PRICKLE3: variants seen among roughly 807,000 people sequenced by gnomAD.
PRICKLE3 encodes the protein LIM domain only protein 6.
A neutral mutation model predicts 33.8 loss-of-function variants in PRICKLE3; 17 were observed. The ratio of observed to expected loss-of-function variants is 0.50; its 90% CI spans 0.34 to 0.75. The LOEUF is 0.75. PRICKLE3 is among the 30% of genes least tolerant of loss of function. The probability of loss-of-function intolerance (pLI) is 0.01; values close to 1 mark genes in which losing one functional copy is unlikely to be tolerated. For synonymous variants in PRICKLE3, 211 were observed against 219.6 expected, an observed-to-expected ratio of 0.96 and a Z score of 0.34; for missense variants, 573 against 576.7, an observed-to-expected ratio of 0.99 and a Z score of 0.07.
chrX:49,176,916 TGTGCTGGTGCCTTTGGTG>T lies in PRICKLE3; in HGVS notation c.1224_1241del (p.Thr409_Thr414del). 1 of 1,196,801 alleles carries T rather than the reference TGTGCTGGTGCCTTTGGTG, an allele frequency of 8.4e-7. No individual in the cohort carries two copies. Among genetic ancestry groups the T allele is most frequent in the Non-Finnish European group, 1.1e-6 (1 of 888,753 alleles). ...GGGTTAGCTCACCTGGCGCTAACTC[TGTGCTGGTGCCTTTGGTG>T]GTGGTCTCTGATGCCCCCTTCACAG... is the stretch of plus-strand genomic sequence containing the variant. On this transcript the variant is annotated inframe_deletion, in exon 8 of 9. Transcript: ENST00000599218.
At chrX:49,181,492 CAT>C (rs1255135539) in intron 3 of PRICKLE3, among the ~76,000 whole-genome samples, 4 of 84,019 alleles carry the variant, frequency 4.8e-5, no homozygotes, top group Admixed American at 1.4e-4. Context: ...TAGATGTATA[CAT>C]ATGTGTATAT....
At chrX:49,186,143 G>T in intron 1 of PRICKLE3, 113 bp downstream of exon 1, 2 of 913,962 alleles carry the variant, frequency 2.2e-6, no homozygotes, top group Non-Finnish European at 3.0e-6. Flanking sequence ...GAATGCAGGG[G>T]ATGGGATTCC....
At position 49,176,970 on chromosome X, in the gene PRICKLE3, G is replaced by C. The variant is rs781986180; in HGVS notation, c.1188C>G (p.Ala396=). Residue 396 remains alanine, a synonymous_variant, in exon 8 of 9, where the codon GCC becomes GCG. Transcript: ENST00000599218. ...ATGCCCCCTTCACAGCAGAGAAAGAGGCTGTGGAGGCTGCAAGTGGGGCTG... is the reference window on the plus strand; with the variant it reads ...ATGCCCCCTTCACAGCAGAGAAAGACGCTGTGGAGGCTGCAAGTGGGGCTG... ...PVTAPLAAST[A]SFSAVKGASE... 4 of 1,210,834 alleles carry C rather than the reference G, an allele frequency of 3.3e-6. No individual in the cohort carries two copies. The highest frequency in any genetic ancestry group is 4.5e-6 in the Non-Finnish European group (4 of 894,948).
chrX:49,184,272 C>T (rs2065471607), intron 2 of PRICKLE3, among the ~76,000 whole-genome samples: 1 of 110,198 alleles, frequency 9.1e-6, no homozygotes, highest in Non-Finnish European at 1.9e-5. Context: ...AGGGCTCCAG[C>T]AGGAGGATAG....
chrX:49,181,591 G>GTA (rs1300691621), intron 3 of PRICKLE3, among the ~76,000 whole-genome samples: 1 of 4,830 alleles, frequency 2.1e-4, no homozygotes, highest in Non-Finnish European at 3.1e-4. Flanking sequence ...ATATACGCGT[G>GTA]TATCTATATA....
chrX:49,180,088 G>A (rs1361477326), intron 3 of PRICKLE3, among the ~76,000 whole-genome samples: 1 of 86,594 alleles, frequency 1.2e-5, no homozygotes, highest in Non-Finnish European at 2.1e-5. Context: ...TGCCCAAGCT[G>A]GAGTGGCGCG....
chrX:49,177,225 A>T, intron 7 of PRICKLE3, 23 bp from the exon 8 acceptor site: 1 of 1,121,946 alleles, frequency 8.9e-7, no homozygotes, highest in African/African-American at 1.8e-5. Flanking sequence ...ACGAGGGGGA[A>T]AAACTGAGGC....
Position 49,177,181 on chromosome X carries a change from G to A in PRICKLE3, c.977C>T (p.Ala326Val). ...EHIGLDQGQM[A>V]YEGQHWHASD... ...GGCATGCCAGTGCTGGCCCTCGTAA[G>A]CCATCTGGCCTTGGTCCAGGCCTGT... is the stretch of plus-strand genomic sequence containing the variant. The change falls in exon 8 of 9, where the codon GCT becomes GTT. Residue 326 changes from alanine (A) to valine (V), a missense_variant. Physicochemically the swap from Ala to Val is moderately conservative, Grantham distance 64. Coordinates refer to ENST00000599218, the MANE Select transcript of PRICKLE3 (RefSeq NM_006150.5). 3.4e-6 allele frequency: 4 copies of A among 1,182,336 alleles called. No individual in the cohort carries two copies. Among genetic ancestry groups the A allele is most frequent in the Non-Finnish European group, 4.5e-6 (4 of 884,339 alleles).
chrX:49,176,767 G>T, intron 8 of PRICKLE3, 136 bp downstream of exon 8: 1 of 651,421 alleles, frequency 1.5e-6, no homozygotes, highest in Non-Finnish European at 2.2e-6. Flanking sequence ...AGGATGAGCT[G>T]AGAAATGGGC....
In PRICKLE3 at chrX:49,179,706, G is replaced by A. The variant is rs1557100710; in HGVS notation, c.413C>T (p.Pro138Leu). 1 of 1,179,297 alleles carries A rather than the reference G, an allele frequency of 8.5e-7. No individual in the cohort carries two copies. Among genetic ancestry groups the A allele is most frequent in the Non-Finnish European group, 1.1e-6 (1 of 874,062 alleles). The change falls in exon 4 of 9, where the codon CCA becomes CTA. Residue 138 changes from proline to leucine, a missense_variant. Physicochemically the swap from Pro to Leu is moderately conservative, Grantham distance 98. Transcript: ENST00000599218. ...CTCTCTCCTCACCTCACTGTCGTGT[G>A]GGGGCAGCTGGTGCAGCAGCTGCTT... ...RIKQLLHQLP[P>L]HDSEAQYCTA...
Position 49,175,000 on chromosome X carries a change from C to T in PRICKLE3, c.*673G>A. 2.4e-6 allele frequency: 1 copy of T among 415,703 alleles called. No individual in the cohort carries two copies. Among genetic ancestry groups the T allele is most frequent in the East Asian group, 4.0e-5 (1 of 25,172 alleles). The allele number at this position is 415,703 out of a possible 1,213,427, so 34.3% of individuals were successfully genotyped here. A position where few individuals can be genotyped will look rare whatever the true frequency, so the allele number is the denominator to read the frequency against. ...GGGAGTTAGATTTCAGAGTCCAGGC[C>T]CTAGGTTGGGACCCACTCCAAATAA... On this transcript the variant is annotated 3_prime_UTR_variant, in exon 9 of 9. Transcript: ENST00000599218.
chrX:49,179,645 G>T, intron 4 of PRICKLE3, 48 bp downstream of exon 4: 1 of 1,034,273 alleles, frequency 9.7e-7, no homozygotes, highest in Non-Finnish European at 1.3e-6. Context: ...CATTGGCCCA[G>T]GCTGTGTGCT....
At chrX:49,185,684 T>G (rs919463345) in intron 1 of PRICKLE3, among the ~76,000 whole-genome samples, 1 of 110,551 alleles carries the variant, frequency 9.0e-6, no homozygotes, top group African/African-American at 3.3e-5. Flanking sequence ...GCGGATCACC[T>G]GAGGTCAGGA....
chrX:49,175,520 C>G lies in PRICKLE3; in HGVS notation c.*153G>C, dbSNP rs1557099753. 4 of 550,905 alleles carry G rather than the reference C, an allele frequency of 7.3e-6. No individual in the cohort carries two copies. Among genetic ancestry groups the G allele is most frequent in the African/African-American group, 2.4e-5 (1 of 42,437 alleles). 45.4% of individuals were successfully genotyped at this position (550,905 alleles called of 1,213,427 possible). A position where few individuals can be genotyped will look rare whatever the true frequency, so the allele number is the denominator to read the frequency against. Reference sequence around the variant, plus strand: ...CTGGGCAATAGGGTAGACCAAGTCTCTAAAACAGAAACAAAAATAGAAACA... The same window carrying G: ...CTGGGCAATAGGGTAGACCAAGTCTGTAAAACAGAAACAAAAATAGAAACA... On this transcript the variant is annotated 3_prime_UTR_variant, in exon 9 of 9. Coordinates refer to ENST00000599218, the MANE Select transcript of PRICKLE3 (RefSeq NM_006150.5).
chrX:49,185,921 C>T (rs1029595587), intron 1 of PRICKLE3, among the ~76,000 whole-genome samples: 1 of 96,224 alleles, frequency 1.0e-5, no homozygotes, highest in Non-Finnish European at 2.1e-5. Context: ...AAAAAAAAAG[C>T]AGCAGCTCAG....
At position 49,175,598 on chromosome X, in the gene PRICKLE3, G is replaced by A; in HGVS notation, c.*75C>T. 1.1e-6 allele frequency: 1 copy of A among 872,782 alleles called. No homozygotes were observed. Among genetic ancestry groups the A allele is most frequent in the Non-Finnish European group, 1.6e-6 (1 of 623,933 alleles). 71.9% of individuals were successfully genotyped at this position (872,782 alleles called of 1,213,427 possible). On this transcript the variant is annotated 3_prime_UTR_variant, in exon 9 of 9. Coordinates refer to ENST00000599218, the MANE Select transcript of PRICKLE3 (RefSeq NM_006150.5). ...TTATGACTTAGGTTGTAGGGGCGGG[G>A]CGTGGGGGTGAGGGGCATGGGCCTC...
At chrX:49,185,561 T>C (rs1186442464) in intron 1 of PRICKLE3, among the ~76,000 whole-genome samples, 1 of 110,843 alleles carries the variant, frequency 9.0e-6, no homozygotes, top group Non-Finnish European at 1.9e-5. Flanking sequence ...AGTGTAGGAC[T>C]CCATCCCTCC....
intron 4 of PRICKLE3, 146 bp from the exon 5 acceptor site, chrX:49,179,534 G>A: frequency 1.0e-6 from 1 of 962,391 alleles, no homozygotes; most frequent in Non-Finnish European, 1.5e-6. Context: ...TTCTTCCAAG[G>A]CCCAGCTGTG....
rs1557101892 is a variant in PRICKLE3 at position 49,186,321 on chromosome X, C to T, written c.-24G>A. 6 of 1,121,022 alleles carry T rather than the reference C, an allele frequency of 5.4e-6. No homozygotes were observed. The East Asian group carries it at 1.4e-4, about 26-fold the overall frequency. 92.4% of individuals were successfully genotyped at this position (1,121,022 alleles called of 1,213,427 possible). A position where few individuals can be genotyped will look rare whatever the true frequency, so the allele number is the denominator to read the frequency against. On this transcript the variant is annotated 5_prime_UTR_variant, in exon 1 of 9. Transcript: ENST00000599218. ...ATGGCGCGCCCGGGCAGGGTCAAGCCGGGCCGGGTCAGGCGAATGTAATCC... is the reference window on the plus strand; with the variant it reads ...ATGGCGCGCCCGGGCAGGGTCAAGCTGGGCCGGGTCAGGCGAATGTAATCC...
Sources: allele counts gnomAD v4.1 joint callset (sites outside exome capture counted in the v4.1 genomes callset), GRCh38; gene constraint gnomAD v4.1.1; transcripts MANE v1.5; gene names NCBI Gene and HGNC (gene_info 2026-07-23, HGNC 2026-07-21).